Variants in MEGF9 observed in about 807,000 individuals in gnomAD.
MEGF9 encodes multiple epidermal growth factor-like domains protein 9.
MEGF9 carries 6 observed loss-of-function variants against 46.8 expected under a neutral mutation model. The observed-to-expected ratio is 0.13, with a 90% confidence interval of 0.07 to 0.25. The LOEUF (loss-of-function observed/expected upper bound fraction) is 0.25. Ranked by LOEUF, MEGF9 falls within the 10% of genes least tolerant of loss-of-function variation. The pLI is 1.00. For synonymous variants in MEGF9, 302 were observed against 330.7 expected (o/e 0.91, Z 0.94); for missense variants, 683 against 792.4 (o/e 0.86, Z 1.66).
At chr9:120,614,353 A>G (rs1326296899) in intron 3 of MEGF9, among the ~76,000 whole-genome samples, 1 of 152,220 alleles carries the variant, frequency 6.6e-6, no homozygotes, top group African/African-American at 2.4e-5. Context: ...ATTGTGAAAG[A>G]TACCTTCAAA....
intron 3 of MEGF9, among the ~76,000 whole-genome samples, chr9:120,614,781 T>TA (rs2043463829): frequency 2.0e-5 from 3 of 150,308 alleles, no homozygotes; most frequent in Admixed American, 1.3e-4. Context: ...AGCTTTAATA[T>TA]AAAAAATACC....
chr9:120,699,505 G>C (rs532543522), intron 1 of MEGF9, among the ~76,000 whole-genome samples: 1 of 152,050 alleles, frequency 6.6e-6, no homozygotes, highest in South Asian at 2.1e-4. Context: ...ATTGTTTGAA[G>C]CCAGGAGTAT....
intron 2 of MEGF9, among the ~76,000 whole-genome samples, chr9:120,658,655 T>C (rs1419881210): frequency 6.6e-6 from 1 of 152,222 alleles, no homozygotes; most frequent in Admixed American, 6.5e-5. Context: ...ATTATTTTTT[T>C]CATTATTTAA....
chr9:120,710,377 T>C (rs1412289202), intron 1 of MEGF9, among the ~76,000 whole-genome samples: 3 of 135,054 alleles, frequency 2.2e-5, no homozygotes, highest in Non-Finnish European at 4.6e-5. Context: ...TGAGCCGAGA[T>C]AGCACCATTG....
chr9:120,649,480 T>C (rs1240635359), intron 2 of MEGF9, among the ~76,000 whole-genome samples: 1 of 152,090 alleles, frequency 6.6e-6, no homozygotes, highest in Non-Finnish European at 1.5e-5. Context: ...GATGATTGAG[T>C]GTGGCGGGGT....
intron 1 of MEGF9, among the ~76,000 whole-genome samples, chr9:120,665,495 G>A (rs1412064575): frequency 6.6e-6 from 1 of 152,028 alleles, no homozygotes; most frequent in African/African-American, 2.4e-5. Context: ...GAGCCACCAC[G>A]CCCAGCTCCA....
At chr9:120,710,032 C>CAAAA (rs56208944) in intron 1 of MEGF9, among the ~76,000 whole-genome samples, 5 of 97,884 alleles carry the variant, frequency 5.1e-5, no homozygotes, top group African/African-American at 1.9e-4. Context: ...AACTCCGTCT[C>CAAAA]AAAAAAAAAA....
intron 5 of MEGF9, 56 bp downstream of exon 5, chr9:120,607,685 A>AT (rs2043425664): frequency 1.9e-6 from 3 of 1,578,274 alleles, no homozygotes; most frequent in Middle Eastern, 1.7e-4. Flanking sequence ...AAAGCCTTCC[A>AT]TTTTTCACTG....
intron 1 of MEGF9, among the ~76,000 whole-genome samples, chr9:120,706,540 A>G (rs1297295096): frequency 2.0e-5 from 3 of 152,204 alleles, no homozygotes; most frequent in African/African-American, 4.8e-5. Context: ...TCAAACAGAA[A>G]ATTCAGGGAG....
At chr9:120,654,965 A>G (rs1214442890) in intron 2 of MEGF9, among the ~76,000 whole-genome samples, 2 of 152,216 alleles carry the variant, frequency 1.3e-5, no homozygotes, top group African/African-American at 4.8e-5. Context: ...TTTTTGTACA[A>G]CTGTACAATG....
intron 2 of MEGF9, among the ~76,000 whole-genome samples, chr9:120,652,623 C>A (rs2132319366): frequency 6.6e-6 from 1 of 150,522 alleles, no homozygotes; most frequent in Middle Eastern, 3.4e-3. Context: ...CGTATGTGCA[C>A]AATTTAGTTT....
intron 3 of MEGF9, among the ~76,000 whole-genome samples, chr9:120,615,673 T>C (rs1008105431): frequency 3.3e-5 from 5 of 151,848 alleles, no homozygotes; most frequent in Non-Finnish European, 5.9e-5. Context: ...TGCAGGTGGA[T>C]TGCTTGAGCC....
At chr9:120,711,656 A>G (rs16910094) in intron 1 of MEGF9, among the ~76,000 whole-genome samples, 2,290 of 152,340 alleles carry the variant, frequency 0.015, 58 homozygotes, top group African/African-American at 0.052. Context: ...AAGTAAAATA[A>G]CATGAATTAC....
At chr9:120,615,416 T>C (rs1587973965) in intron 3 of MEGF9, among the ~76,000 whole-genome samples, 1 of 151,668 alleles carries the variant, frequency 6.6e-6, no homozygotes, top group Non-Finnish European at 1.5e-5. Flanking sequence ...CTCCACATGT[T>C]TGTGACTACC....
At chr9:120,652,500 A>C (rs1587984958) in intron 2 of MEGF9, among the ~76,000 whole-genome samples, 2 of 148,788 alleles carry the variant, frequency 1.3e-5, no homozygotes, top group Non-Finnish European at 3.0e-5. Flanking sequence ...AAAAAAAAAA[A>C]AAACAGAAAC....
chr9:120,668,342 A>T (rs112888688), intron 1 of MEGF9, among the ~76,000 whole-genome samples: 6 of 152,352 alleles, frequency 3.9e-5, no homozygotes, highest in African/African-American at 1.4e-4. Flanking sequence ...GAATTTCTTT[A>T]AACTAGACTT....
At chr9:120,680,817 C>G (rs185187777) in intron 1 of MEGF9, among the ~76,000 whole-genome samples, 67 of 152,314 alleles carry the variant, frequency 4.4e-4, no homozygotes, top group African/African-American at 1.6e-3. Flanking sequence ...TGGCCACCAC[C>G]ACCACTGGTT....
chr9:120,686,239 C>T (rs553458428), intron 1 of MEGF9, among the ~76,000 whole-genome samples: 20 of 152,098 alleles, frequency 1.3e-4, no homozygotes, highest in African/African-American at 4.8e-4. Context: ...TACAGGTGCC[C>T]GCCACCACGC....
chr9:120,711,350 T>G (rs1271289502), intron 1 of MEGF9, among the ~76,000 whole-genome samples: 1 of 152,228 alleles, frequency 6.6e-6, no homozygotes, highest in African/African-American at 2.4e-5. Context: ...TAAAAGTCCA[T>G]GATACATAGT....
Sources: gnomAD v4.1 joint callset for allele counts (sites outside exome capture counted in the v4.1 genomes callset) on GRCh38, gnomAD v4.1.1 for gene constraint, MANE v1.5 for transcripts, NCBI Gene and HGNC (gene_info 2026-07-23, HGNC 2026-07-21) for gene names.